Variants in NCAM1 observed in about 807,000 individuals in gnomAD.
NCAM1 encodes the protein neural cell adhesion molecule 1, also known as antigen recognized by monoclonal antibody 5.1H11.
Under a neutral mutation model 109.8 loss-of-function variants are expected in NCAM1, and 14 were observed. The ratio of observed to expected loss-of-function variants is 0.13; its 90% CI spans 0.08 to 0.20. The LOEUF (loss-of-function observed/expected upper bound fraction) is 0.20. Among genes scored for constraint, NCAM1 ranks in the 10% least tolerant of loss-of-function variants. The probability of loss-of-function intolerance (pLI) is 1.00; values close to 1 mark genes in which losing one functional copy is unlikely to be tolerated. For synonymous variants in NCAM1, 418 were observed against 442.9 expected, an observed-to-expected ratio of 0.94 and a Z score of 0.70; for missense variants, 774 against 1,109.9, an observed-to-expected ratio of 0.70 and a Z score of 4.30.
At chr11:113,234,861 C>G (rs1419550640) in intron 13 of NCAM1, among the ~76,000 whole-genome samples, 172 bp from the exon 14 acceptor site, 1 of 152,250 alleles carries the variant, frequency 6.6e-6, no homozygotes, top group Non-Finnish European at 1.5e-5. Context: ...AGCCAGGTAT[C>G]TGTATCTGTT....
At chr11:113,111,670 T>G (rs1295173978) in intron 1 of NCAM1, among the ~76,000 whole-genome samples, 1 of 152,252 alleles carries the variant, frequency 6.6e-6, no homozygotes, top group Admixed American at 6.5e-5. Context: ...TATTCCTCAG[T>G]AAACGTGACT....
intron 1 of NCAM1, among the ~76,000 whole-genome samples, chr11:113,160,215 C>G (rs1555104106): frequency 6.6e-6 from 1 of 152,120 alleles, no homozygotes; most frequent in African/African-American, 2.4e-5. Flanking sequence ...CTTTGAACAC[C>G]AAGCTTAGGA....
chr11:113,240,927 A>G (rs1591450344), intron 14 of NCAM1: 1 of 1,295,002 alleles, frequency 7.7e-7, no homozygotes, highest in East Asian at 2.3e-5. Flanking sequence ...CCAGGTGATA[A>G]TTCAACTCAG....
At chr11:113,001,439 G>A (rs1382125766) in intron 1 of NCAM1, among the ~76,000 whole-genome samples, 1 of 152,182 alleles carries the variant, frequency 6.6e-6, no homozygotes, top group Non-Finnish European at 1.5e-5. Flanking sequence ...ATTTAGCTAA[G>A]TGATTTTCAT....
chr11:113,175,354 A>T (rs528773350), intron 1 of NCAM1, among the ~76,000 whole-genome samples: 1 of 152,316 alleles, frequency 6.6e-6, no homozygotes, highest in Non-Finnish European at 1.5e-5. Flanking sequence ...TGCATTTTGT[A>T]ACAATTTGGA....
intron 1 of NCAM1, among the ~76,000 whole-genome samples, chr11:112,984,213 G>A (rs6589353): frequency 0.46 from 69,614 of 151,714 alleles, 16,807 homozygotes; most frequent in East Asian, 0.8. Flanking sequence ...TGGTTTATCT[G>A]TATTGCCTTA....
intron 1 of NCAM1, among the ~76,000 whole-genome samples, chr11:113,012,015 T>TTC (rs1555074534): frequency 0.022 from 2,177 of 97,598 alleles, 71 homozygotes; most frequent in African/African-American, 0.064. Context: ...TTCCTTCCTT[T>TTC]CTTTCCTCTT....
At chr11:113,006,850 T>G (rs1227792756) in intron 1 of NCAM1, among the ~76,000 whole-genome samples, 1 of 152,142 alleles carries the variant, frequency 6.6e-6, no homozygotes, top group Non-Finnish European at 1.5e-5. Context: ...TTGCATAATA[T>G]AATCTTATTG....
chr11:113,185,804 C>A (rs1943491386), intron 1 of NCAM1, among the ~76,000 whole-genome samples: 2 of 152,198 alleles, frequency 1.3e-5, no homozygotes. Flanking sequence ...ACCCCCCTCA[C>A]CTGGCTGTAT....
At chr11:112,987,823 G>A (rs1951347452) in intron 1 of NCAM1, among the ~76,000 whole-genome samples, 1 of 148,144 alleles carries the variant, frequency 6.8e-6, no homozygotes, top group East Asian at 2.0e-4. Context: ...ATATAGTCAA[G>A]TCTTCTTTTT....
intron 1 of NCAM1, among the ~76,000 whole-genome samples, chr11:113,083,521 A>C (rs1345768673): frequency 2.0e-5 from 3 of 152,160 alleles, no homozygotes; most frequent in African/African-American, 7.2e-5. Flanking sequence ...TTATTTGTCT[A>C]TATGGTTGCG....
chr11:113,120,258 T>C (rs1555095774), intron 1 of NCAM1, among the ~76,000 whole-genome samples: 1 of 152,170 alleles, frequency 6.6e-6, no homozygotes, highest in Non-Finnish European at 1.5e-5. Flanking sequence ...CCTGGGCCAT[T>C]AGCACCCTGT....
At chr11:113,174,077 T>C (rs1178722121) in intron 1 of NCAM1, among the ~76,000 whole-genome samples, 1 of 152,224 alleles carries the variant, frequency 6.6e-6, no homozygotes, top group East Asian at 1.9e-4. Flanking sequence ...AGACAATAGA[T>C]TTGTTACCAT....
At chr11:113,100,485 C>T (rs531712041) in intron 1 of NCAM1, among the ~76,000 whole-genome samples, 13 of 152,250 alleles carry the variant, frequency 8.5e-5, no homozygotes, top group East Asian at 3.9e-4. Flanking sequence ...AAGCAGGTCA[C>T]GTGCACTTGA....
chr11:113,243,592 T>A (rs782702738), intron 14 of NCAM1: 2 of 518,858 alleles, frequency 3.9e-6, no homozygotes, highest in Non-Finnish European at 3.8e-6. Flanking sequence ...TGTTCCAAGC[T>A]GGTCTTCATA....
chr11:113,243,806 C>A, intron 14 of NCAM1: 1 of 247,528 alleles, frequency 4.0e-6, no homozygotes, highest in Non-Finnish European at 8.5e-6. Context: ...CAAAGTATAA[C>A]TCCAGCTCCC....
At position 113,028,744 on chromosome 11, in the gene NCAM1, G is replaced by A. The variant is rs1952632819; in HGVS notation, c.52+67080G>A. On this transcript the variant is annotated intron_variant, in intron 1 of 19. Transcript: ENST00000316851. Reference sequence around the variant, plus strand: ...AGTTATCTGGGTAATTACATCAACTGGTCATTTGGTTTTTACTTTATAAAT... The same window carrying A: ...AGTTATCTGGGTAATTACATCAACTAGTCATTTGGTTTTTACTTTATAAAT... Among the ~76,000 whole-genome samples, 6 of 152,192 alleles carry A rather than the reference G, an allele frequency of 3.9e-5. No individual in the cohort carries two copies. The South Asian group carries it at 1.2e-3, about 32-fold the overall frequency.
intron 1 of NCAM1, among the ~76,000 whole-genome samples, chr11:113,006,637 T>G (rs1268824906): frequency 3.9e-5 from 6 of 152,182 alleles, no homozygotes; most frequent in African/African-American, 1.2e-4. Context: ...TTTTGATCAG[T>G]GTCAATTATG....
In NCAM1 at chr11:112,962,030, C is replaced by G. The variant is rs1237563032; in HGVS notation, c.52+366C>G. Among the ~76,000 whole-genome samples the G allele has an allele frequency of 1.3e-5, 2 of 152,100 alleles. No individual in the cohort carries two copies. The highest frequency in any genetic ancestry group is 2.9e-5 in the Non-Finnish European group (2 of 68,004). ...AGGCGGGCGGCGGGGCGGGGGAGGT[C>G]GCGGCTCGGGTGGTGCCGCCGCACG... On this transcript the variant is annotated intron_variant, in intron 1 of 19. Coordinates refer to ENST00000316851, the MANE Select transcript of NCAM1 (RefSeq NM_181351.5). This position sits in a 1 kb window ranked among gnomAD's most constrained non-coding sequence, Gnocchi z 5.6.
Sources: allele counts gnomAD v4.1 joint callset (sites outside exome capture counted in the v4.1 genomes callset), GRCh38; gene constraint gnomAD v4.1.1; non-coding constraint Gnocchi (gnomAD v3.1); transcripts MANE v1.5; gene names NCBI Gene and HGNC (gene_info 2026-07-23, HGNC 2026-07-21).